The following FBXW10 variants were observed in gnomAD, a reference collection of about 807,000 sequenced individuals.
The protein encoded by FBXW10 is F-box/WD repeat-containing protein 10.
A neutral mutation model predicts 113.1 loss-of-function variants in FBXW10; 68 were observed. The ratio of observed to expected loss-of-function variants is 0.60; its 90% confidence interval spans 0.49 to 0.74. The LOEUF is 0.74. Among genes scored for constraint, FBXW10 ranks in the 30% least tolerant of loss-of-function variants. The pLI is 0.00. For synonymous variants in FBXW10, 289 were observed against 481.6 expected (o/e 0.60, Z 5.24); for missense variants, 753 against 1,284.5 (o/e 0.59, Z 6.32).
intron 12 of FBXW10, 131 bp from the exon 13 acceptor site, chr17:18,775,005 A>G: frequency 3.2e-6 from 2 of 623,964 alleles, no homozygotes; most frequent in South Asian, 2.1e-5. Flanking sequence ...TTATGTACCC[A>G]TAAAAAACAA....
rs1467715985 is a variant in FBXW10, at chr17:18,749,729, A to G, written c.678A>G (p.Pro226=). Residue 226 remains proline (P), a synonymous_variant, in exon 3 of 14, where the codon CCA becomes CCG. Transcript: ENST00000395665. Reference sequence around the variant, plus strand: ...TCTCTGGCTTCACTCTAGAGGAACCATGGAGGAATTCACTCCGGTGTATAT... The same window carrying G: ...TCTCTGGCTTCACTCTAGAGGAACCGTGGAGGAATTCACTCCGGTGTATAT... The part of the protein sequence containing the change: ...LLGAASNPEE[P]WRNSLRCISE... 5 of 1,613,886 alleles carry G rather than the reference A, an allele frequency of 3.1e-6. No individual in the cohort carries two copies. Among genetic ancestry groups the G allele is most frequent in the Non-Finnish European group, 4.2e-6 (5 of 1,179,890 alleles).
At position 18,778,774 on chromosome 17, in the gene FBXW10, G is replaced by C; in HGVS notation, c.2635G>C (p.Val879Leu). The C allele has an allele frequency of 6.2e-7, 1 of 1,613,824 alleles. No homozygotes were observed. Among genetic ancestry groups the C allele is most frequent in the East Asian group, 2.2e-5 (1 of 44,872 alleles). Residue 879 changes from valine to leucine, a missense_variant, in exon 14 of 14, where the codon GTG becomes CTG. Coordinates refer to ENST00000395665, the MANE Select transcript of FBXW10 (RefSeq NM_001267585.2). ...RLRLSNPPIDVKRTSIPLEIQ... is the reference protein window; with the variant it reads ...RLRLSNPPIDLKRTSIPLEIQ... ...GAGATTGAGCAATCCTCCTATAGAT[G>C]TGAAACGAACCAGTATTCCCCTTGA...
At chr17:18,760,480 T>C (rs894356059) in intron 7 of FBXW10, among the ~76,000 whole-genome samples, 26 of 152,250 alleles carry the variant, frequency 1.7e-4, no homozygotes, top group African/African-American at 5.8e-4. Context: ...ACTGTGTTCA[T>C]AGTATCTACA....
chr17:18,764,667 T>G (rs2035451950), intron 7 of FBXW10, 75 bp from the exon 8 acceptor site: 1 of 1,601,232 alleles, frequency 6.2e-7, no homozygotes, highest in South Asian at 1.1e-5. Context: ...TAACTACTTA[T>G]CTACATGGGT....
At chr17:18,755,566 T>C (rs1396146344) in intron 5 of FBXW10, among the ~76,000 whole-genome samples, 5 of 124,422 alleles carry the variant, frequency 4.0e-5, no homozygotes, top group Admixed American at 8.1e-5. Flanking sequence ...AAAAAAAAAA[T>C]GCAAATGCAT....
In FBXW10 at chr17:18,768,628, G is replaced by T; in HGVS notation, c.1799G>T (p.Ser600Ile). 6.2e-7 allele frequency: 1 copy of T among 1,613,982 alleles called. No individual in the cohort carries two copies. Among genetic ancestry groups the T allele is most frequent in the Non-Finnish European group, 8.5e-7 (1 of 1,179,888 alleles). The change falls in exon 10 of 14, where the codon AGC becomes ATC. Residue 600 changes from serine (S) to isoleucine (I), a missense_variant. Coordinates refer to ENST00000395665, the MANE Select transcript of FBXW10 (RefSeq NM_001267585.2). Reference protein sequence around the residue: ...GSTDGLVMAWSMVGKYERCLM... With the variant: ...GSTDGLVMAWIMVGKYERCLM... ...ACTGATGGCCTGGTCATGGCCTGGAGCATGGTGGGGAAGTACGAGCGCTGC... is the reference window on the plus strand; with the variant it reads ...ACTGATGGCCTGGTCATGGCCTGGATCATGGTGGGGAAGTACGAGCGCTGC...
intron 11 of FBXW10, among the ~76,000 whole-genome samples, chr17:18,770,531 C>T (rs1207654079): frequency 1.3e-5 from 2 of 151,974 alleles, no homozygotes; most frequent in East Asian, 1.9e-4. Context: ...CTTGAACTCC[C>T]GACCTCGTGA....
intron 4 of FBXW10, 103 bp from the exon 5 acceptor site, chr17:18,750,828 C>T: frequency 1.5e-6 from 2 of 1,376,226 alleles, no homozygotes; most frequent in Middle Eastern, 4.6e-4. Flanking sequence ...CCATCCTTCA[C>T]ATTTTGCCAA....
intron 12 of FBXW10, among the ~76,000 whole-genome samples, chr17:18,773,180 G>A (rs940711695): frequency 2.0e-5 from 3 of 151,768 alleles, no homozygotes; most frequent in Non-Finnish European, 1.5e-5. Context: ...TGATCCTCCC[G>A]GCTTGGCTTC....
intron 11 of FBXW10, among the ~76,000 whole-genome samples, chr17:18,771,504 A>G (rs1302723223): frequency 4.6e-5 from 7 of 152,182 alleles, no homozygotes; most frequent in African/African-American, 1.7e-4. Flanking sequence ...AGTGGGGATC[A>G]GAGAAGTTAG....
chr17:18,773,015 G>A (rs550280331), intron 12 of FBXW10, among the ~76,000 whole-genome samples: 16 of 147,466 alleles, frequency 1.1e-4, no homozygotes, highest in African/African-American at 3.8e-4. Context: ...CGCAACCTCC[G>A]CCTCCCAGGT....
At chr17:18,753,735 A>C (rs2035210811) in intron 5 of FBXW10, among the ~76,000 whole-genome samples, 1 of 152,028 alleles carries the variant, frequency 6.6e-6, no homozygotes, top group Non-Finnish European at 1.5e-5. Context: ...TTAGCCAGGC[A>C]TGGTGGTGCA....
intron 7 of FBXW10, among the ~76,000 whole-genome samples, chr17:18,762,270 G>T (rs2035401159): frequency 1.3e-5 from 2 of 149,312 alleles, no homozygotes; most frequent in Admixed American, 1.3e-4. Context: ...CCAATAATTG[G>T]TTTTTCTACG....
At chr17:18,761,985 C>T (rs1365964045) in intron 7 of FBXW10, among the ~76,000 whole-genome samples, 4 of 150,600 alleles carry the variant, frequency 2.7e-5, no homozygotes, top group South Asian at 2.1e-4. Context: ...TTTTTTGAGA[C>T]GGAGTCTTGC....
intron 2 of FBXW10, among the ~76,000 whole-genome samples, 176 bp from the exon 3 acceptor site, chr17:18,749,546 C>CA (rs11336827): frequency 2.2e-4 from 33 of 147,878 alleles, no homozygotes; most frequent in East Asian, 6.0e-4. Context: ...GACTCCGTCT[C>CA]AAAAAAAAAA....
At position 18,756,154 on chromosome 17, in the gene FBXW10, C is replaced by G. The variant is rs142047019; in HGVS notation, c.1232C>G (p.Thr411Arg). Residue 411 changes from threonine (T) to arginine (R), a missense_variant and splice_region_variant, in exon 6 of 14, where the codon ACG becomes AGG. Transcript: ENST00000395665. ...TACAATGTTCGCATTCTCTCTGACACGTAGGTACTGGGGTCAGAATCTGGG... is the reference window on the plus strand; with the variant it reads ...TACAATGTTCGCATTCTCTCTGACAGGTAGGTACTGGGGTCAGAATCTGGG... ...GTYNVRILSDTWDQNRVIHYS... is the reference protein window; with the variant it reads ...GTYNVRILSDRWDQNRVIHYS... 1,483 of 1,607,604 alleles carry G rather than the reference C, an allele frequency of 9.2e-4. 7 individuals carry two copies. In the Middle Eastern group the frequency reaches 0.017, roughly 19 times the overall value.
Position 18,744,308 on chromosome 17 carries a change from T to C in FBXW10, c.64T>C (p.Ser22Pro), listed in dbSNP as rs2034993648. ...TTTTCGTTGTGAGAAGGGAACCGAT[T>C]CCATCCCTCTATGCCGGAAGTGTGA... ...PYFRCEKGTD[S>P]IPLCRKCETC... The change falls in exon 1 of 14, where the codon TCC becomes CCC. Residue 22 changes from serine (S) to proline (P), a missense_variant. Ser to Pro is a moderately conservative substitution (Grantham distance 74). Coordinates refer to ENST00000395665, the MANE Select transcript of FBXW10 (RefSeq NM_001267585.2). 2 of 1,612,782 alleles carry C rather than the reference T, an allele frequency of 1.2e-6. No individual in the cohort carries two copies. Among genetic ancestry groups the C allele is most frequent in the South Asian group, 2.2e-5 (2 of 90,974 alleles).
chr17:18,755,741 ATTTTTGAAAAAGTTGTG>A (rs2035248887), intron 5 of FBXW10, among the ~76,000 whole-genome samples: 1 of 152,012 alleles, frequency 6.6e-6, no homozygotes, highest in African/African-American at 2.4e-5. Flanking sequence ...TTGTGAGCTG[ATTTTTGAAAAAGTTGTG>A]TTATTGGTGA....
At position 18,769,919 on chromosome 17, in the gene FBXW10, C is replaced by T. The variant is rs761301655; in HGVS notation, c.1848-8C>T. 8.7e-6 allele frequency: 14 copies of T among 1,613,880 alleles called. No individual in the cohort carries two copies. The Admixed American group carries it at 2.3e-4, about 27-fold the overall frequency. ...ATGGGTACTGCCTGCTACTCTGTTC[C>T]CTTCCAGGGAGGTGCTCGACGTGTC... is the stretch of plus-strand genomic sequence containing the variant. On this transcript the variant is annotated splice_region_variant and splice_polypyrimidine_tract_variant and intron_variant, in intron 10 of 13. Transcript: ENST00000395665.
Sources: allele counts gnomAD v4.1 joint callset (sites outside exome capture counted in the v4.1 genomes callset), GRCh38; gene constraint gnomAD v4.1.1; transcripts MANE v1.5; gene names NCBI Gene and HGNC (gene_info 2026-07-23, HGNC 2026-07-21).